Variants in DTL observed in about 807,000 individuals in gnomAD.
The protein encoded by DTL is denticleless protein homolog.
A neutral mutation model predicts 87.0 loss-of-function variants in DTL; 46 were observed. That is an observed-to-expected ratio of 0.53 (90% CI 0.42 to 0.68). The LOEUF (loss-of-function observed/expected upper bound fraction) is 0.68. DTL is among the 30% of genes least tolerant of loss of function. The probability of loss-of-function intolerance (pLI) is 0.00; values close to 1 mark genes in which losing one functional copy is unlikely to be tolerated. For synonymous variants in DTL, 308 were observed against 311.2 expected, an observed-to-expected ratio of 0.99 and a Z score of 0.11; for missense variants, 737 against 869.4, an observed-to-expected ratio of 0.85 and a Z score of 1.91.
intron 1 of DTL, among the ~76,000 whole-genome samples, chr1:212,037,475 C>T (rs1667518613): frequency 1.3e-5 from 2 of 152,114 alleles, no homozygotes; most frequent in African/African-American, 4.8e-5. Context: ...TATAGTAAGT[C>T]CTCACTTAAT....
intron 6 of DTL, among the ~76,000 whole-genome samples, chr1:212,063,229 A>C (rs1029387671): frequency 6.6e-6 from 1 of 152,024 alleles, no homozygotes; most frequent in Non-Finnish European, 1.5e-5. Context: ...AAAAATATTA[A>C]TACGCAGCCT....
intron 13 of DTL, among the ~76,000 whole-genome samples, chr1:212,099,888 TTAAA>T (rs1655564821): frequency 6.6e-6 from 1 of 152,222 alleles, no homozygotes; most frequent in South Asian, 2.1e-4. Context: ...CACTTTCCCC[TTAAA>T]TCAGTCTCAT....
At chr1:212,070,204 T>A (rs890811898) in intron 10 of DTL, among the ~76,000 whole-genome samples, 1 of 152,228 alleles carries the variant, frequency 6.6e-6, no homozygotes, top group African/African-American at 2.4e-5. Flanking sequence ...TCCTTGAGTT[T>A]AGTGTCCTGC....
intron 3 of DTL, among the ~76,000 whole-genome samples, chr1:212,045,841 A>G (rs916764147): frequency 2.7e-4 from 41 of 152,266 alleles, no homozygotes; most frequent in African/African-American, 9.6e-4. Flanking sequence ...GATAAAGACT[A>G]AAGAATGCAA....
intron 5 of DTL, among the ~76,000 whole-genome samples, chr1:212,048,983 C>T (rs534915813): frequency 2.6e-5 from 4 of 152,188 alleles, no homozygotes; most frequent in South Asian, 4.1e-4. Context: ...AATGCAGTGG[C>T]GTGATCTTGG....
intron 5 of DTL, among the ~76,000 whole-genome samples, chr1:212,061,527 T>C (rs1654308824): frequency 1.3e-5 from 2 of 151,222 alleles, no homozygotes; most frequent in Admixed American, 1.3e-4. Context: ...AGAATTACCA[T>C]TGATCTAGCA....
chr1:212,063,290 A>G (rs1487363667), intron 6 of DTL, among the ~76,000 whole-genome samples: 1 of 148,748 alleles, frequency 6.7e-6, no homozygotes, highest in Non-Finnish European at 1.5e-5. Context: ...TTATTTTATT[A>G]TTATTATTTT....
At position 212,044,685 on chromosome 1, in the gene DTL, A is replaced by C. The variant is rs1368093782; in HGVS notation, c.204A>C (p.Ala68=). The C allele has an allele frequency of 6.2e-7, 1 of 1,612,008 alleles. No homozygotes were observed. Among genetic ancestry groups the C allele is most frequent in the Non-Finnish European group, 8.5e-7 (1 of 1,178,458 alleles). Residue 68 remains alanine, a synonymous_variant, in exon 3 of 15, where the codon GCA becomes GCC. Transcript: ENST00000366991. ...CTCCCAATATGGAACATGTACTAGC[A>C]GTTGCCAATGAAGAAGGCTTTGTTC... ...SSAPNMEHVL[A]VANEEGFVRL...
At chr1:212,088,959 G>A (rs111546731) in intron 13 of DTL, among the ~76,000 whole-genome samples, 3,999 of 152,274 alleles carry the variant, frequency 0.026, 60 homozygotes, top group African/African-American at 0.047. Context: ...GGTGGCACAC[G>A]CCTGTAATCC....
At chr1:212,047,258 G>T in intron 4 of DTL, 39 bp from the exon 5 acceptor site, 1 of 1,614,144 alleles carries the variant, frequency 6.2e-7, no homozygotes, top group Non-Finnish European at 8.5e-7. Flanking sequence ...ACTGATAAGG[G>T]AGTGCTTTAT....
intron 5 of DTL, among the ~76,000 whole-genome samples, chr1:212,054,034 C>A (rs926713907): frequency 9.9e-5 from 15 of 152,064 alleles, no homozygotes; most frequent in Non-Finnish European, 2.1e-4. Flanking sequence ...GTTGGTGTTC[C>A]TTTTTTAACA....
chr1:212,080,135 T>C (rs1382266667), intron 12 of DTL, among the ~76,000 whole-genome samples: 3 of 152,250 alleles, frequency 2.0e-5, no homozygotes, highest in Admixed American at 2.0e-4. Context: ...TTCCTTCTAC[T>C]TGTCACAGCC....
chr1:212,052,620 G>A (rs2970594), intron 5 of DTL, among the ~76,000 whole-genome samples: 1 of 144,188 alleles, frequency 6.9e-6, no homozygotes, highest in African/African-American at 2.5e-5. Flanking sequence ...CTCCAGCCTG[G>A]GCAACAGAGC....
chr1:212,094,017 A>G (rs764339869), intron 13 of DTL, among the ~76,000 whole-genome samples: 1 of 152,180 alleles, frequency 6.6e-6, no homozygotes, highest in African/African-American at 2.4e-5. Flanking sequence ...TGTTGGTTGC[A>G]TAGATTGTGA....
intron 5 of DTL, among the ~76,000 whole-genome samples, chr1:212,060,419 T>C (rs1361798285): frequency 1.3e-5 from 2 of 152,120 alleles, no homozygotes; most frequent in Non-Finnish European, 2.9e-5. Flanking sequence ...AATGAAACTG[T>C]ACCTCTATCT....
chr1:212,046,926 A>C (rs1017299490), intron 3 of DTL, among the ~76,000 whole-genome samples: 2 of 152,150 alleles, frequency 1.3e-5, no homozygotes, highest in Admixed American at 1.3e-4. Flanking sequence ...AACTGTTGCT[A>C]TCTCTCCGCA....
chr1:212,055,441 A>G (rs1042068351), intron 5 of DTL, among the ~76,000 whole-genome samples: 3 of 152,200 alleles, frequency 2.0e-5, no homozygotes, highest in Non-Finnish European at 4.4e-5. Context: ...ACTGATTTTC[A>G]GAGCCCAGCC....
chr1:212,039,544 T>C (rs1667577581), intron 1 of DTL, among the ~76,000 whole-genome samples: 1 of 152,074 alleles, frequency 6.6e-6, no homozygotes, highest in South Asian at 2.1e-4. Flanking sequence ...TTCAGACAGG[T>C]GAGTTTTAGA....
chr1:212,064,977 C>A lies in DTL; in HGVS notation c.587C>A (p.Thr196Asn), dbSNP rs958234122. The A allele has an allele frequency of 6.2e-7, 1 of 1,614,064 alleles. No homozygotes were observed. The highest frequency in any genetic ancestry group is 8.5e-7 in the Non-Finnish European group (1 of 1,179,992). ...GCTCACAATACCTCAGACAAGCAAA[C>A]CCCTTCAAAACCCAAGAAGAAACAG... The part of the protein sequence containing the change: ...SGAHNTSDKQ[T>N]PSKPKKKQNS... The change falls in exon 7 of 15, where the codon ACC (threonine) becomes AAC (asparagine). Residue 196 changes from threonine (T) to asparagine (N), a missense_variant. Coordinates refer to ENST00000366991, the MANE Select transcript of DTL (RefSeq NM_016448.4).
Sources: gnomAD v4.1 joint callset for allele counts (sites outside exome capture counted in the v4.1 genomes callset) on GRCh38, gnomAD v4.1.1 for gene constraint, MANE v1.5 for transcripts, NCBI Gene and HGNC (gene_info 2026-07-23, HGNC 2026-07-21) for gene names.